Variants in CACNA2D1 observed in about 807,000 individuals in gnomAD.
CACNA2D1 encodes the protein voltage-dependent calcium channel subunit alpha-2/delta-1.
A neutral mutation model predicts 171.5 loss-of-function variants in CACNA2D1; 53 were observed. The ratio of observed to expected loss-of-function variants is 0.31; its 90% CI spans 0.25 to 0.39. CACNA2D1 has a LOEUF of 0.39. Among genes scored for constraint, CACNA2D1 ranks in the 10% least tolerant of loss-of-function variants. CACNA2D1 has a pLI of 1.00. For synonymous variants in CACNA2D1, 442 were observed against 443.1 expected (o/e 1.00, Z 0.03); for missense variants, 903 against 1,299.8 (o/e 0.69, Z 4.69).
intron 12 of CACNA2D1, among the ~76,000 whole-genome samples, chr7:82,031,228 C>G (rs1226140731): frequency 2.0e-5 from 3 of 151,592 alleles, no homozygotes; most frequent in African/African-American, 4.8e-5. Context: ...GGATCAGAGG[C>G]CAAGCATCTA....
At chr7:82,168,355 G>C (rs1795682171) in intron 4 of CACNA2D1, among the ~76,000 whole-genome samples, 1 of 152,070 alleles carries the variant, frequency 6.6e-6, no homozygotes, top group African/African-American at 2.4e-5. Flanking sequence ...TGTTGACAAG[G>C]CTGGTTTTGA....
chr7:81,957,269 A>G (rs1356225628), intron 38 of CACNA2D1, among the ~76,000 whole-genome samples: 1 of 151,990 alleles, frequency 6.6e-6, no homozygotes, highest in East Asian at 1.9e-4. Flanking sequence ...TAAATATTGA[A>G]TATGTTTCAT....
At chr7:82,199,941 A>C (rs2129203155) in intron 3 of CACNA2D1, among the ~76,000 whole-genome samples, 1 of 152,272 alleles carries the variant, frequency 6.6e-6, no homozygotes, top group African/African-American at 2.4e-5. Flanking sequence ...GAATCTCAAA[A>C]GTATGATGCA....
chr7:82,295,239 A>G lies in CACNA2D1; in HGVS notation c.294+39896T>C, dbSNP rs181203191. 7.0e-3 allele frequency among the ~76,000 whole-genome samples: 1,058 copies of G among 151,288 alleles called. 7 individuals carry two copies. Among genetic ancestry groups the G allele is most frequent in the Non-Finnish European group, 0.011 (745 of 68,036 alleles). On this transcript the variant is annotated intron_variant, in intron 3 of 38. Coordinates refer to ENST00000356860, the MANE Select transcript of CACNA2D1 (RefSeq NM_000722.4). ...TGGGGAGATATTGATCAAAAGGTAT[A>G]AAATTTCAGTTAGACAGGTGGAATA...
intron 3 of CACNA2D1, among the ~76,000 whole-genome samples, chr7:82,213,967 A>T (rs981806723): frequency 6.6e-6 from 1 of 152,122 alleles, no homozygotes; most frequent in Admixed American, 6.5e-5. Flanking sequence ...GCACCAGGAG[A>T]TTCAGTGTCT....
At chr7:82,080,986 G>A (rs1020969297) in intron 7 of CACNA2D1, among the ~76,000 whole-genome samples, 1 of 152,042 alleles carries the variant, frequency 6.6e-6, no homozygotes, top group Non-Finnish European at 1.5e-5. Flanking sequence ...AACCCCCAGG[G>A]GATAAAATGA....
chr7:82,093,212 C>T lies in CACNA2D1; in HGVS notation c.527-8312G>A, dbSNP rs1188637333. On this transcript the variant is annotated intron_variant, in intron 6 of 38. Coordinates refer to ENST00000356860, the MANE Select transcript of CACNA2D1 (RefSeq NM_000722.4). ...TTTTACCCTCTCTAAACCTCAGTTTCCTCACTCGTACAGTGGGGATAATAA... is the reference window on the plus strand; with the variant it reads ...TTTTACCCTCTCTAAACCTCAGTTTTCTCACTCGTACAGTGGGGATAATAA... 2.0e-5 allele frequency among the ~76,000 whole-genome samples: 3 copies of T among 152,104 alleles called. No individual in the cohort carries two copies. The East Asian group carries it at 5.8e-4, about 29-fold the overall frequency.
intron 1 of CACNA2D1, among the ~76,000 whole-genome samples, chr7:82,383,675 G>T: frequency 6.6e-6 from 1 of 152,200 alleles, no homozygotes; most frequent in East Asian, 1.9e-4. Context: ...TATTTTTAAT[G>T]CTTTTGGTTT....
chr7:82,055,140 A>G (rs1805660588), intron 10 of CACNA2D1, among the ~76,000 whole-genome samples: 1 of 152,182 alleles, frequency 6.6e-6, no homozygotes, highest in Admixed American at 6.5e-5. Flanking sequence ...CTTTCTATGC[A>G]AAAGTCAGAA....
chr7:82,167,269 TA>T (rs1209082677), intron 4 of CACNA2D1, among the ~76,000 whole-genome samples: 1 of 152,086 alleles, frequency 6.6e-6, no homozygotes, highest in African/African-American at 2.4e-5. Context: ...AATGTTTGGT[TA>T]AAATATTGAG....
At chr7:82,103,505 A>G (rs530240942) in intron 6 of CACNA2D1, among the ~76,000 whole-genome samples, 1 of 152,304 alleles carries the variant, frequency 6.6e-6, no homozygotes, top group South Asian at 2.1e-4. Context: ...ACTTTTGTAC[A>G]TAATTCTTAA....
At chr7:82,202,250 G>C (rs1799520848) in intron 3 of CACNA2D1, among the ~76,000 whole-genome samples, 1 of 152,326 alleles carries the variant, frequency 6.6e-6, no homozygotes, top group South Asian at 2.1e-4. Flanking sequence ...CAGAGAAAGA[G>C]TAAAGCCATG....
chr7:82,402,730 A>G (rs894961362), intron 1 of CACNA2D1, among the ~76,000 whole-genome samples: 39 of 140,730 alleles, frequency 2.8e-4, no homozygotes, highest in East Asian at 6.2e-4. Context: ...AAAAAAAAAA[A>G]AAGAAGAAGA....
chr7:82,296,123 G>GC, intron 3 of CACNA2D1, among the ~76,000 whole-genome samples: 1 of 151,894 alleles, frequency 6.6e-6, no homozygotes, highest in Admixed American at 6.6e-5. Flanking sequence ...GTGGGGGAAG[G>GC]GGGGAGGGAT....
intron 1 of CACNA2D1, among the ~76,000 whole-genome samples, chr7:82,407,067 T>C (rs1827140119): frequency 6.6e-6 from 1 of 152,148 alleles, no homozygotes; most frequent in Non-Finnish European, 1.5e-5. Context: ...TTAATGACAG[T>C]TTTCTGTCCC....
chr7:82,192,490 G>A (rs1320156696), intron 3 of CACNA2D1, among the ~76,000 whole-genome samples: 1 of 128,870 alleles, frequency 7.8e-6, no homozygotes, highest in Non-Finnish European at 1.6e-5. Context: ...GTGTGTGTGT[G>A]TGTGTGTGTG....
intron 4 of CACNA2D1, among the ~76,000 whole-genome samples, chr7:82,158,509 A>C (rs1157034023): frequency 6.6e-6 from 1 of 151,980 alleles, no homozygotes; most frequent in African/African-American, 2.4e-5. Flanking sequence ...GATTGCCAAT[A>C]AAAGTTGAGT....
intron 7 of CACNA2D1, among the ~76,000 whole-genome samples, chr7:82,067,276 C>T (rs1807758131): frequency 6.6e-6 from 1 of 152,030 alleles, no homozygotes; most frequent in South Asian, 2.1e-4. Flanking sequence ...AAAATAAATG[C>T]TGATGAATTG....
At chr7:81,965,555 C>T in intron 32 of CACNA2D1, 39 bp downstream of exon 32, 1 of 1,067,368 alleles carries the variant, frequency 9.4e-7, no homozygotes, top group Non-Finnish European at 1.5e-6. Context: ...GGGAAACACA[C>T]TTTGGAAAGC....
Sources: gnomAD v4.1 joint callset for allele counts (sites outside exome capture counted in the v4.1 genomes callset) on GRCh38, gnomAD v4.1.1 for gene constraint, MANE v1.5 for transcripts, NCBI Gene and HGNC (gene_info 2026-07-23, HGNC 2026-07-21) for gene names.